LONP2: variants seen among roughly 807,000 people sequenced by gnomAD.
LONP2 encodes the protein lon peptidase 2, peroxisomal.
In LONP2, 60 loss-of-function variants were observed where a neutral mutation model predicts 85.6. The observed-to-expected ratio is 0.70, with a 90% CI of 0.57 to 0.87. The LOEUF is 0.87. Among genes scored for constraint, LONP2 ranks in the 40% least tolerant of loss-of-function variants. The pLI, the probability that LONP2 is intolerant of heterozygous loss-of-function variation, is 0.00. For synonymous variants in LONP2, 395 were observed against 389.7 expected (o/e 1.01, Z -0.16); for missense variants, 860 against 1,063.5 (o/e 0.81, Z 2.66).
chr16:48,248,032 A>G (rs890167451), intron 1 of LONP2, among the ~76,000 whole-genome samples: 1 of 152,236 alleles, frequency 6.6e-6, no homozygotes, highest in Non-Finnish European at 1.5e-5. Flanking sequence ...TCAATTTATT[A>G]AATTTAAATT....
intron 6 of LONP2, among the ~76,000 whole-genome samples, chr16:48,265,418 T>G (rs1971969748): frequency 1.3e-5 from 2 of 152,232 alleles, no homozygotes; most frequent in African/African-American, 4.8e-5. Flanking sequence ...AGGGTTCAAG[T>G]GCATTCTTCT....
rs560882482 is a variant in LONP2, at chr16:48,316,526, C to T, written c.1795+13221C>T. ...ATTTTTAGTAGAGACGGGGTTTCAC[C>T]ATGTTGGCCAGGCTGGTCTTGAACT... On this transcript the variant is annotated intron_variant, in intron 11 of 14. Coordinates refer to ENST00000285737, the MANE Select transcript of LONP2 (RefSeq NM_031490.5). Among the ~76,000 whole-genome samples the T allele has an allele frequency of 2.6e-5, 4 of 151,508 alleles. No individual in the cohort carries two copies. The East Asian group carries it at 7.8e-4, about 30-fold the overall frequency.
At chr16:48,323,024 G>A (rs1757216090) in intron 11 of LONP2, among the ~76,000 whole-genome samples, 1 of 152,174 alleles carries the variant, frequency 6.6e-6, no homozygotes, top group South Asian at 2.1e-4. Flanking sequence ...GTTATGCAGT[G>A]CGTGACTATA....
In LONP2 at chr16:48,334,193, A is replaced by G. The variant is rs746444908; in HGVS notation, c.1796-23A>G. 7 of 1,608,544 alleles carry G rather than the reference A, an allele frequency of 4.4e-6. No homozygotes were observed. The Admixed American group carries it at 5.1e-5, about 12-fold the overall frequency. On this transcript the variant is annotated intron_variant, in intron 11 of 14. Coordinates refer to ENST00000285737, the MANE Select transcript of LONP2 (RefSeq NM_031490.5). ...AGCCTGCAAATCTCTTAGAACTTCTAAATACATTTTTTTTTCTTTTAGGTT... is the reference window on the plus strand; with the variant it reads ...AGCCTGCAAATCTCTTAGAACTTCTGAATACATTTTTTTTTCTTTTAGGTT...
At chr16:48,328,940 C>A (rs1959348590) in intron 11 of LONP2, among the ~76,000 whole-genome samples, 1 of 152,128 alleles carries the variant, frequency 6.6e-6, no homozygotes, top group Admixed American at 6.5e-5. Flanking sequence ...CCCAGCAGCT[C>A]TCTGAGAGTA....
chr16:48,315,813 C>T (rs888458647), intron 11 of LONP2, among the ~76,000 whole-genome samples: 1 of 151,506 alleles, frequency 6.6e-6, no homozygotes. Context: ...GTCTCTTATC[C>T]TCCTTTCTAT....
In LONP2 at chr16:48,299,760, C is replaced by G. The variant is rs752383839; in HGVS notation, c.1633C>G (p.Gln545Glu). Residue 545 changes from glutamine (Q) to glutamate (E), a missense_variant, in exon 10 of 15, where the codon CAG becomes GAG. Transcript: ENST00000285737. Reference protein sequence around the residue: ...GLTPQQIQIPQVTTLDIITRY... With the variant: ...GLTPQQIQIPEVTTLDIITRY... ...GACTCCACAGCAGATTCAGATACCC[C>G]AGGTCACCACTCTTGACATCATCAC... 1.2e-6 allele frequency: 2 copies of G among 1,613,526 alleles called. No homozygotes were observed. Among genetic ancestry groups the G allele is most frequent in the South Asian group, 2.2e-5 (2 of 90,962 alleles).
At chr16:48,266,366 G>C (rs927764174) in intron 6 of LONP2, among the ~76,000 whole-genome samples, 1 of 150,552 alleles carries the variant, frequency 6.6e-6, no homozygotes, top group Non-Finnish European at 1.5e-5. Context: ...TGTAATTGAC[G>C]TACAGTAAAC....
chr16:48,292,629 G>A (rs574590846), intron 8 of LONP2, among the ~76,000 whole-genome samples: 8 of 152,334 alleles, frequency 5.3e-5, no homozygotes, highest in South Asian at 4.1e-4. Context: ...CTAACTAGCT[G>A]TGTAAACACA....
rs541264688 is a variant in LONP2 at position 48,264,598 on chromosome 16, T to C, written c.982+1726T>C. Among the ~76,000 whole-genome samples the C allele has an allele frequency of 2.0e-5, 3 of 152,332 alleles. No individual in the cohort carries two copies. In the East Asian group the frequency reaches 5.8e-4, roughly 29 times the overall value. The stretch of plus-strand genomic sequence containing the variant: ...AGTTAACGCAATTATCACATAGTCC[T>C]GAGGCCACATACATCCTCCTTGGCT... On this transcript the variant is annotated intron_variant, in intron 6 of 14. Coordinates refer to ENST00000285737, the MANE Select transcript of LONP2 (RefSeq NM_031490.5).
At chr16:48,295,371 C>T (rs1441639295) in intron 8 of LONP2, among the ~76,000 whole-genome samples, 4 of 151,890 alleles carry the variant, frequency 2.6e-5, no homozygotes, top group Admixed American at 2.6e-4. Context: ...GACTCTGTCT[C>T]AAGAAAAAAA....
chr16:48,339,177 G>A (rs141591534), intron 12 of LONP2, among the ~76,000 whole-genome samples: 4 of 152,174 alleles, frequency 2.6e-5, no homozygotes, highest in South Asian at 4.2e-4. Flanking sequence ...CAAAGAAGTC[G>A]GGAAAAACAG....
At chr16:48,320,865 A>G (rs535753296) in intron 11 of LONP2, among the ~76,000 whole-genome samples, 3 of 152,340 alleles carry the variant, frequency 2.0e-5, no homozygotes, top group East Asian at 3.9e-4. Flanking sequence ...TTGAATTCCA[A>G]TTGGGGACAG....
chr16:48,350,069 T>C (rs187741190), intron 14 of LONP2, among the ~76,000 whole-genome samples: 121 of 152,232 alleles, frequency 7.9e-4, no homozygotes, highest in African/African-American at 2.6e-3. Flanking sequence ...CTGGGAAATA[T>C]ATCTCTACAA....
At chr16:48,287,324 AT>A (rs1972465975) in intron 8 of LONP2, among the ~76,000 whole-genome samples, 1 of 152,240 alleles carries the variant, frequency 6.6e-6, no homozygotes, top group South Asian at 2.1e-4. Flanking sequence ...TCTCAGGCAT[AT>A]GTCAAGGCTT....
At chr16:48,252,469 A>G (rs1971675679) in intron 2 of LONP2, 104 bp downstream of exon 2, 2 of 642,518 alleles carry the variant, frequency 3.1e-6, no homozygotes, top group Non-Finnish European at 2.6e-6. Context: ...GACAGTATAC[A>G]TTTAAATGAG....
intron 11 of LONP2, among the ~76,000 whole-genome samples, chr16:48,317,352 C>G (rs1406692054): frequency 6.6e-6 from 1 of 152,122 alleles, no homozygotes; most frequent in Non-Finnish European, 1.5e-5. Flanking sequence ...CTCTAATTTT[C>G]AGAATTACTT....
At position 48,351,966 on chromosome 16, in the gene LONP2, T is replaced by A; in HGVS notation, c.*164T>A. 2 of 609,428 alleles carry A rather than the reference T, an allele frequency of 3.3e-6. No individual in the cohort carries two copies. The highest frequency in any genetic ancestry group is 5.7e-6 in the Non-Finnish European group (2 of 348,732). 37.8% of individuals were successfully genotyped at this position (609,428 alleles called of 1,614,324 possible). The stretch of plus-strand genomic sequence containing the variant: ...TAGTGGCTAGTGTTTAGTATAGAAA[T>A]ATAAGATGTTGATTTAGTAAACTGA... On this transcript the variant is annotated 3_prime_UTR_variant, in exon 15 of 15. Coordinates refer to ENST00000285737, the MANE Select transcript of LONP2 (RefSeq NM_031490.5).
intron 1 of LONP2, among the ~76,000 whole-genome samples, chr16:48,250,648 A>G (rs553351689): frequency 6.6e-6 from 1 of 152,138 alleles, no homozygotes; most frequent in Non-Finnish European, 1.5e-5. Context: ...CCGGGGATCC[A>G]GTTTCTTGTC....
Sources: gnomAD v4.1 joint callset for allele counts (sites outside exome capture counted in the v4.1 genomes callset) on GRCh38, gnomAD v4.1.1 for gene constraint, MANE v1.5 for transcripts, NCBI Gene and HGNC (gene_info 2026-07-23, HGNC 2026-07-21) for gene names.